CNTN5: variants seen among roughly 807,000 people sequenced by gnomAD.
CNTN5 encodes the protein contactin-5.
In CNTN5, 77 loss-of-function variants were observed where a neutral mutation model predicts 129.1. That is an observed-to-expected ratio of 0.60 (90% confidence interval 0.50 to 0.72). CNTN5 has a LOEUF of 0.72. Ranked by LOEUF, CNTN5 falls within the 30% of genes least tolerant of loss-of-function variation. CNTN5 has a pLI of 0.00. For missense variants in CNTN5, 1,478 were observed against 1,328.8 expected (o/e 1.11, Z -1.75); for synonymous variants, 509 against 465.6 (o/e 1.09, Z -1.20).
chr11:99,820,325 C>T (rs1457086919), intron 4 of CNTN5, among the ~76,000 whole-genome samples: 1 of 152,396 alleles, frequency 6.6e-6, no homozygotes, highest in Admixed American at 6.5e-5. Context: ...CAGACCTATC[C>T]TTCAATCCAG....
At chr11:99,893,726 T>C (rs17134623) in intron 6 of CNTN5, among the ~76,000 whole-genome samples, 16,102 of 152,194 alleles carry the variant, frequency 0.11, 1,291 homozygotes, top group East Asian at 0.36. Flanking sequence ...GTTCTGATAA[T>C]AAAATTAGCA....
chr11:100,096,599 C>T (rs1945019417), intron 13 of CNTN5, among the ~76,000 whole-genome samples: 2 of 152,034 alleles, frequency 1.3e-5, no homozygotes. Flanking sequence ...TTATTGGCCA[C>T]CAAAACGTAC....
At chr11:99,967,451 G>A (rs1231539474) in intron 8 of CNTN5, among the ~76,000 whole-genome samples, 1 of 152,084 alleles carries the variant, frequency 6.6e-6, no homozygotes, top group Non-Finnish European at 1.5e-5. Flanking sequence ...CCAATATGAG[G>A]TAGGATATTC....
At chr11:99,266,107 T>C (rs1050914746) in intron 1 of CNTN5, among the ~76,000 whole-genome samples, 5 of 152,076 alleles carry the variant, frequency 3.3e-5, no homozygotes, top group African/African-American at 9.7e-5. Context: ...TGGTGTTTGA[T>C]CTGTTTCTGG....
At chr11:99,917,675 G>A (rs1196259036) in intron 7 of CNTN5, among the ~76,000 whole-genome samples, 1 of 152,054 alleles carries the variant, frequency 6.6e-6, no homozygotes, top group Non-Finnish European at 1.5e-5. Flanking sequence ...TTTTAAGGCT[G>A]GGGAACGTGT....
At chr11:99,896,854 G>T (rs1430321697) in intron 6 of CNTN5, among the ~76,000 whole-genome samples, 1 of 152,114 alleles carries the variant, frequency 6.6e-6, no homozygotes, top group Admixed American at 6.5e-5. Context: ...CGTCACAGCT[G>T]CCCTGCCCCA....
intron 1 of CNTN5, among the ~76,000 whole-genome samples, chr11:99,060,008 G>C (rs1255857463): frequency 6.6e-6 from 1 of 151,918 alleles, no homozygotes; most frequent in Non-Finnish European, 1.5e-5. Context: ...AGTATATATT[G>C]TTCATTTGCT....
intron 1 of CNTN5, among the ~76,000 whole-genome samples, chr11:99,090,461 A>G (rs577727216): frequency 2.6e-4 from 40 of 152,318 alleles, no homozygotes; most frequent in African/African-American, 8.9e-4. Context: ...TTATTAATCA[A>G]TTTCAGCCAG....
intron 9 of CNTN5, among the ~76,000 whole-genome samples, chr11:100,023,653 C>T (rs936660295): frequency 5.9e-5 from 9 of 152,212 alleles, no homozygotes; most frequent in African/African-American, 1.9e-4. Context: ...CTTCTGGGTT[C>T]CATCTACCCA....
intron 1 of CNTN5, among the ~76,000 whole-genome samples, chr11:99,248,158 C>T (rs1202321249): frequency 6.6e-6 from 1 of 152,154 alleles, no homozygotes; most frequent in Non-Finnish European, 1.5e-5. Flanking sequence ...ACCATTCTAA[C>T]TGGTGTGAGA....
chr11:99,658,115 T>C (rs954854486), intron 3 of CNTN5, among the ~76,000 whole-genome samples: 3 of 152,116 alleles, frequency 2.0e-5, no homozygotes, highest in Admixed American at 6.6e-5. Flanking sequence ...TTGTGGAGTT[T>C]ACATTCTAAA....
intron 1 of CNTN5, among the ~76,000 whole-genome samples, chr11:99,104,235 G>A (rs971628710): frequency 2.6e-5 from 4 of 152,108 alleles, no homozygotes; most frequent in Admixed American, 2.6e-4. Flanking sequence ...TGTAGTTCAT[G>A]AAGAGCTCAC....
At chr11:99,142,478 G>A (rs1859570992) in intron 1 of CNTN5, among the ~76,000 whole-genome samples, 1 of 152,078 alleles carries the variant, frequency 6.6e-6, no homozygotes, top group African/African-American at 2.4e-5. Context: ...TGGTGTAGGA[G>A]CTATGGTAGT....
chr11:99,484,775 C>T (rs947896140), intron 2 of CNTN5, among the ~76,000 whole-genome samples: 2 of 151,946 alleles, frequency 1.3e-5, no homozygotes, highest in African/African-American at 4.8e-5. Context: ...AAGAAATAAG[C>T]CTGGAACAGA....
intron 7 of CNTN5, among the ~76,000 whole-genome samples, chr11:99,921,192 A>T (rs1274317911): frequency 6.6e-6 from 1 of 152,182 alleles, no homozygotes; most frequent in Non-Finnish European, 1.5e-5. Flanking sequence ...CTCATGCACC[A>T]TCTCATTCAG....
intron 9 of CNTN5, among the ~76,000 whole-genome samples, chr11:100,047,753 A>G (rs1239809186): frequency 6.6e-6 from 1 of 152,156 alleles, no homozygotes; most frequent in Non-Finnish European, 1.5e-5. Flanking sequence ...TGTCACTTGA[A>G]TCAGTAGATT....
intron 1 of CNTN5, among the ~76,000 whole-genome samples, chr11:99,244,657 C>A (rs575226639): frequency 2.0e-5 from 3 of 152,160 alleles, no homozygotes; most frequent in Non-Finnish European, 4.4e-5. Context: ...TGCATGAGAT[C>A]ACCAGAAAGG....
intron 1 of CNTN5, among the ~76,000 whole-genome samples, chr11:99,321,263 A>G (rs1217235027): frequency 1.3e-5 from 2 of 151,608 alleles, no homozygotes; most frequent in Non-Finnish European, 2.9e-5. Flanking sequence ...ATACACACAC[A>G]TACATCCTAC....
At chr11:99,696,505 A>G (rs1253254387) in intron 3 of CNTN5, among the ~76,000 whole-genome samples, 1 of 152,040 alleles carries the variant, frequency 6.6e-6, no homozygotes, top group Admixed American at 6.6e-5. Flanking sequence ...AGGAACAGTC[A>G]CTATCTGGGT....
Sources: allele counts gnomAD v4.1 joint callset (sites outside exome capture counted in the v4.1 genomes callset), GRCh38; gene constraint gnomAD v4.1.1; transcripts MANE v1.5; gene names NCBI Gene and HGNC (gene_info 2026-07-23, HGNC 2026-07-21).